The following CELF2 variants were observed in gnomAD, a reference collection of about 807,000 sequenced individuals.
The protein encoded by CELF2 is CUGBP Elav-like family member 2.
Under a neutral mutation model 62.6 loss-of-function variants are expected in CELF2, and 8 were observed. The observed-to-expected ratio is 0.13, with a 90% confidence interval of 0.07 to 0.23. The LOEUF is 0.23. Among genes scored for constraint, CELF2 ranks in the 10% least tolerant of loss-of-function variants. The probability of loss-of-function intolerance (pLI) is 1.00; values close to 1 mark genes in which losing one functional copy is unlikely to be tolerated. For synonymous variants in CELF2, 258 were observed against 250.0 expected, an observed-to-expected ratio of 1.03 and a Z score of -0.30; for missense variants, 333 against 671.0, an observed-to-expected ratio of 0.50 and a Z score of 5.56.
At chr10:10,655,449 T>C in the CELF2 span, among the ~76,000 whole-genome samples, 3 of 127,882 alleles carry the variant, frequency 2.3e-5, no homozygotes, top group African/African-American at 2.8e-5. Context: ...GCTGGAGGCA[T>C]CACACTACCT....
At chr10:10,711,269 A>G in the CELF2 span, among the ~76,000 whole-genome samples, 1 of 152,230 alleles carries the variant, frequency 6.6e-6, no homozygotes, top group East Asian at 1.9e-4. Flanking sequence ...AATTCAGTAT[A>G]TGACAGATGC....
the CELF2 span, among the ~76,000 whole-genome samples, chr10:10,690,499 A>G: frequency 4.6e-5 from 7 of 152,214 alleles, no homozygotes; most frequent in Admixed American, 2.0e-4. Context: ...GAAGGCACAA[A>G]TGCCTACCCG....
chr10:10,629,556 GTCTA>G, the CELF2 span, among the ~76,000 whole-genome samples: 26 of 151,994 alleles, frequency 1.7e-4, no homozygotes. Context: ...CTTAGATAAA[GTCTA>G]TCATGCTTTC....
the CELF2 span, among the ~76,000 whole-genome samples, chr10:10,787,466 T>G: frequency 6.6e-6 from 1 of 152,150 alleles, no homozygotes; most frequent in Non-Finnish European, 1.5e-5. Flanking sequence ...AACTCAAGCT[T>G]TTTCTCTCCG....
At chr10:11,299,114 A>G (rs2093468318) in intron 9 of CELF2, among the ~76,000 whole-genome samples, 1 of 152,242 alleles carries the variant, frequency 6.6e-6, no homozygotes, top group Non-Finnish European at 1.5e-5. Context: ...TAGAACCAAT[A>G]TCCCCTCCTT....
At chr10:11,146,532 G>T (rs2062314379) in intron 1 of CELF2, among the ~76,000 whole-genome samples, 1 of 152,138 alleles carries the variant, frequency 6.6e-6, no homozygotes, top group Non-Finnish European at 1.5e-5. Context: ...CCTGTCTGTG[G>T]TCATGGTTAA....
chr10:10,636,415 G>A, the CELF2 span, among the ~76,000 whole-genome samples: 1 of 152,076 alleles, frequency 6.6e-6, no homozygotes, highest in Non-Finnish European at 1.5e-5. Flanking sequence ...AAATAGCCTG[G>A]AGTTCAGCAA....
the CELF2 span, among the ~76,000 whole-genome samples, chr10:10,707,750 A>G: frequency 6.6e-6 from 1 of 152,146 alleles, no homozygotes; most frequent in Non-Finnish European, 1.5e-5. Flanking sequence ...TTTACTTCTT[A>G]TAACAGGCAT....
At chr10:10,718,269 G>C in the CELF2 span, among the ~76,000 whole-genome samples, 1 of 151,956 alleles carries the variant, frequency 6.6e-6, no homozygotes, top group Non-Finnish European at 1.5e-5. Context: ...AACCAAAAAC[G>C]CTTCCATTCT....
At chr10:10,692,383 C>T in the CELF2 span, among the ~76,000 whole-genome samples, 30 of 151,050 alleles carry the variant, frequency 2.0e-4, no homozygotes, top group Non-Finnish European at 3.7e-4. Flanking sequence ...TGTTTTGGTA[C>T]CAGTGCCATG....
intron 1 of CELF2, among the ~76,000 whole-genome samples, chr10:10,871,168 A>G (rs771108137): frequency 6.6e-6 from 1 of 152,202 alleles, no homozygotes; most frequent in Non-Finnish European, 1.5e-5. Context: ...GTGTCAAACC[A>G]TGCCCTGGGG....
At chr10:11,308,568 T>C (rs1023521008) in intron 9 of CELF2, among the ~76,000 whole-genome samples, 6 of 152,224 alleles carry the variant, frequency 3.9e-5, no homozygotes, top group African/African-American at 4.8e-5. Context: ...GTTTTTACTT[T>C]TCAGCCCCAG....
At chr10:11,258,466 G>A (rs879902310) in intron 5 of CELF2, among the ~76,000 whole-genome samples, 1 of 152,204 alleles carries the variant, frequency 6.6e-6, no homozygotes, top group Admixed American at 6.5e-5. Context: ...GAAGAAGATT[G>A]TAGGCACTTC....
intron 1 of CELF2, among the ~76,000 whole-genome samples, chr10:11,150,267 T>C (rs979590832): frequency 1.3e-5 from 2 of 152,188 alleles, no homozygotes; most frequent in African/African-American, 4.8e-5. Context: ...ACGCTTTTTG[T>C]GGTTTATAAT....
intron 1 of CELF2, among the ~76,000 whole-genome samples, chr10:11,137,715 T>C (rs1259282249): frequency 6.6e-6 from 1 of 152,264 alleles, no homozygotes; most frequent in Non-Finnish European, 1.5e-5. Flanking sequence ...TGCCTTTCCC[T>C]GAAAAGTACG....
At chr10:10,656,735 G>A in the CELF2 span, among the ~76,000 whole-genome samples, 2 of 88,868 alleles carry the variant, frequency 2.3e-5, no homozygotes, top group African/African-American at 4.3e-5. Context: ...GTCGGGGGAG[G>A]GGGGAGGGAT....
chr10:10,610,119 A>G, the CELF2 span, among the ~76,000 whole-genome samples: 1 of 152,232 alleles, frequency 6.6e-6, no homozygotes, highest in East Asian at 1.9e-4. Flanking sequence ...TCAGGCTGCA[A>G]TACCCTTTGA....
chr10:11,115,086 G>A (rs535141919), intron 1 of CELF2, among the ~76,000 whole-genome samples: 1 of 152,350 alleles, frequency 6.6e-6, no homozygotes, highest in East Asian at 1.9e-4. Flanking sequence ...ACATAAATGT[G>A]TGGGGATCTA....
At chr10:10,659,104 A>T in the CELF2 span, among the ~76,000 whole-genome samples, 3 of 152,164 alleles carry the variant, frequency 2.0e-5, no homozygotes, top group African/African-American at 7.2e-5. Context: ...TGTTGTAGAA[A>T]TGCTGTTCAA....
Sources: allele counts gnomAD v4.1 joint callset (sites outside exome capture counted in the v4.1 genomes callset), GRCh38; gene constraint gnomAD v4.1.1; transcripts MANE v1.5; gene names NCBI Gene and HGNC (gene_info 2026-07-23, HGNC 2026-07-21).